The following CRACR2A variants were observed in gnomAD, a reference collection of about 807,000 sequenced individuals.
CRACR2A encodes calcium release activated channel regulator 2A, also known as EF-hand calcium-binding domain-containing protein 4B.
Under a neutral mutation model 90.5 loss-of-function variants are expected in CRACR2A, and 79 were observed. That is an observed-to-expected ratio of 0.87 (90% confidence interval 0.73 to 1.05). CRACR2A has a LOEUF of 1.05. CRACR2A is among the 50% of genes least tolerant of loss of function. The pLI, the probability that CRACR2A is intolerant of heterozygous loss-of-function variation, is 0.00. For synonymous variants in CRACR2A, 338 were observed against 356.7 expected (o/e 0.95, Z 0.59); for missense variants, 823 against 897.2 (o/e 0.92, Z 1.06).
Position 3,630,131 on chromosome 12 carries a change from G to A in CRACR2A, c.1736-2425C>T, listed in dbSNP as rs921243934. On this transcript the variant is annotated intron_variant, in intron 15 of 19. Coordinates refer to ENST00000440314, the MANE Select transcript of CRACR2A (RefSeq NM_001144958.2). ...GACGGCAGTGAGATGGAGGTATGACGGGATGAAGGGGCTAAGTTGGATGCT... is the reference window on the plus strand; with the variant it reads ...GACGGCAGTGAGATGGAGGTATGACAGGATGAAGGGGCTAAGTTGGATGCT... Among the ~76,000 whole-genome samples, 12 of 152,116 alleles carry A rather than the reference G, an allele frequency of 7.9e-5. No individual in the cohort carries two copies. In the South Asian group the frequency reaches 1.0e-3, roughly 13 times the overall value.
intron 5 of CRACR2A, 37 bp from the exon 6 acceptor site, chr12:3,679,135 A>G: frequency 6.4e-7 from 1 of 1,550,834 alleles, no homozygotes; most frequent in Non-Finnish European, 8.7e-7. Context: ...GAATTAGACC[A>G]TACCCATCCA....
chr12:3,657,310 T>C (rs1173376030), intron 8 of CRACR2A, among the ~76,000 whole-genome samples: 1 of 152,210 alleles, frequency 6.6e-6, no homozygotes, highest in African/African-American at 2.4e-5. Flanking sequence ...AAGAAACCAT[T>C]GTAACTGCCA....
At chr12:3,708,464 G>A (rs373606160) in intron 3 of CRACR2A, among the ~76,000 whole-genome samples, 7 of 151,946 alleles carry the variant, frequency 4.6e-5, no homozygotes, top group South Asian at 4.2e-4. Flanking sequence ...TCACTCAGTC[G>A]CCCAGGCTGG....
intron 1 of CRACR2A, among the ~76,000 whole-genome samples, chr12:3,740,754 A>G (rs570984290): frequency 1.3e-5 from 2 of 152,346 alleles, no homozygotes; most frequent in African/African-American, 4.8e-5. Flanking sequence ...TGGGCTCTGC[A>G]GTCAAGTGCC....
intron 11 of CRACR2A, 199 bp downstream of exon 11, chr12:3,648,343 C>A: frequency 6.8e-7 from 1 of 1,480,320 alleles, no homozygotes; most frequent in Non-Finnish European, 8.9e-7. Flanking sequence ...TGGATGTGGG[C>A]GCATGTGTAA....
intron 15 of CRACR2A, among the ~76,000 whole-genome samples, chr12:3,630,417 T>G (rs1462270289): frequency 6.6e-6 from 1 of 152,034 alleles, no homozygotes; most frequent in African/African-American, 2.4e-5. Context: ...AGAAATACCC[T>G]AGGGGGCTGC....
intron 13 of CRACR2A, chr12:3,640,826 G>T: frequency 7.7e-7 from 1 of 1,302,746 alleles, no homozygotes; most frequent in Non-Finnish European, 1.0e-6. Context: ...GCAGGGGACT[G>T]GTTTGTCTCT....
At chr12:3,620,743 A>G (rs1944114296) in intron 17 of CRACR2A, among the ~76,000 whole-genome samples, 1 of 152,204 alleles carries the variant, frequency 6.6e-6, no homozygotes, top group South Asian at 2.1e-4. Context: ...CCCTCTAAAA[A>G]TGGTATCTAT....
intron 7 of CRACR2A, among the ~76,000 whole-genome samples, chr12:3,662,427 T>G (rs181456207): frequency 1.8e-4 from 27 of 152,332 alleles, no homozygotes; most frequent in African/African-American, 6.5e-4. Flanking sequence ...CCTCACATCC[T>G]GAGGCGGTAC....
chr12:3,703,327 C>T (rs746287752), intron 3 of CRACR2A, among the ~76,000 whole-genome samples: 2 of 152,130 alleles, frequency 1.3e-5, no homozygotes, highest in Non-Finnish European at 2.9e-5. Context: ...CTTCATGATC[C>T]GCCCACCTTG....
chr12:3,719,348 C>A (rs1187667669), intron 2 of CRACR2A, among the ~76,000 whole-genome samples: 2 of 152,232 alleles, frequency 1.3e-5, no homozygotes, highest in Non-Finnish European at 2.9e-5. Context: ...TCGGGCTCCT[C>A]TTGTCCTCCT....
At chr12:3,696,342 C>T (rs1194958393) in intron 4 of CRACR2A, among the ~76,000 whole-genome samples, 3 of 152,222 alleles carry the variant, frequency 2.0e-5, no homozygotes, top group Non-Finnish European at 2.9e-5. Context: ...GAAGGCGAGA[C>T]ATGGGTAAAA....
In CRACR2A at chr12:3,745,390, T is replaced by TCTGGGGATGGTGGCGCTGCTGTTGTCTTG. The variant is rs559517975; in HGVS notation, c.-387+7624_-387+7625insCAAGACAACAGCAGCGCCACCATCCCCAG. ...CTCCCTCAATCCCACCGTGTCCTCCTCTGGGGATGGTGGCGCTGCTGCTGT... is the reference window on the plus strand; with the variant it reads ...CTCCCTCAATCCCACCGTGTCCTCCTCTGGGGATGGTGGCGCTGCTGTTGTCTTGCTGGGGATGGTGGCGCTGCTGCTGT... On this transcript the variant is annotated intron_variant, in intron 1 of 19. Coordinates refer to ENST00000440314, the MANE Select transcript of CRACR2A (RefSeq NM_001144958.2). Among the ~76,000 whole-genome samples, 678 of 152,220 alleles carry TCTGGGGATGGTGGCGCTGCTGTTGTCTTG rather than the reference T, an allele frequency of 4.5e-3. 6 individuals carry two copies. The highest frequency in any genetic ancestry group is 0.015 in the African/African-American group (622 of 41,538).
At chr12:3,617,477 G>C (rs185268714) in intron 18 of CRACR2A, among the ~76,000 whole-genome samples, 204 of 152,326 alleles carry the variant, frequency 1.3e-3, no homozygotes, top group South Asian at 2.1e-3. Flanking sequence ...GTTAATGGCA[G>C]AGCTCCTTGC....
intron 12 of CRACR2A, among the ~76,000 whole-genome samples, chr12:3,643,671 C>T (rs1944614147): frequency 6.8e-6 from 1 of 147,232 alleles, no homozygotes. Context: ...TATAGGATTT[C>T]ATGTCGTTTA....
At chr12:3,615,649 A>C (rs566595465) in intron 19 of CRACR2A, among the ~76,000 whole-genome samples, 35 of 152,250 alleles carry the variant, frequency 2.3e-4, no homozygotes, top group Non-Finnish European at 4.0e-4. Context: ...TTTAGTTGAC[A>C]TGGATCCTTC....
intron 4 of CRACR2A, among the ~76,000 whole-genome samples, chr12:3,692,135 A>G (rs1332419381): frequency 6.6e-6 from 1 of 152,068 alleles, no homozygotes; most frequent in Non-Finnish European, 1.5e-5. Flanking sequence ...TCATATGCCA[A>G]ATTTTCTTTT....
intron 4 of CRACR2A, among the ~76,000 whole-genome samples, chr12:3,686,554 G>C (rs1014413268): frequency 3.3e-5 from 5 of 152,222 alleles, no homozygotes; most frequent in Admixed American, 3.3e-4. Context: ...GGTTTTCTCA[G>C]AGAGATCTCC....
At chr12:3,708,993 A>G (rs978113225) in intron 3 of CRACR2A, among the ~76,000 whole-genome samples, 5 of 152,218 alleles carry the variant, frequency 3.3e-5, no homozygotes, top group Non-Finnish European at 7.3e-5. Context: ...CTTTCTGGAA[A>G]AATGGTTGCA....
Sources: allele counts gnomAD v4.1 joint callset (sites outside exome capture counted in the v4.1 genomes callset), GRCh38; gene constraint gnomAD v4.1.1; transcripts MANE v1.5; gene names NCBI Gene and HGNC (gene_info 2026-07-23, HGNC 2026-07-21).